The following SHLD2 variants were observed in gnomAD, a reference collection of about 807,000 sequenced individuals.
SHLD2 encodes shieldin complex subunit 2.
In SHLD2, 30 loss-of-function variants were observed where a neutral mutation model predicts 73.2. The observed-to-expected ratio is 0.41, with a 90% CI of 0.31 to 0.56. SHLD2 has a LOEUF of 0.56. Among genes scored for constraint, SHLD2 ranks in the 20% least tolerant of loss-of-function variants. The pLI, the probability that SHLD2 is intolerant of heterozygous loss-of-function variation, is 0.28. For missense variants in SHLD2, 745 were observed against 1,055.9 expected (o/e 0.71, Z 4.08); for synonymous variants, 285 against 370.1 (o/e 0.77, Z 2.64).
intron 6 of SHLD2, among the ~76,000 whole-genome samples, chr10:87,173,067 T>TTAGGAGAGACGAGGTTTCACCATGTTGGC (rs1564611515): frequency 4.0e-5 from 6 of 151,752 alleles, no homozygotes; most frequent in African/African-American, 1.5e-4. Flanking sequence ...AGACAGAGTT[T>TTAGGAGAGACGAGGTTTCACCATGTTGGC]CATTCTTGTC....
At chr10:87,133,097 G>C (rs1451424992) in intron 2 of SHLD2, among the ~76,000 whole-genome samples, 1 of 152,104 alleles carries the variant, frequency 6.6e-6, no homozygotes, top group Non-Finnish European at 1.5e-5. Flanking sequence ...TGATTCCAAA[G>C]TAGTCTTTCT....
intron 7 of SHLD2, among the ~76,000 whole-genome samples, chr10:87,178,299 AAACT>A (rs1381088344): frequency 1.3e-5 from 2 of 151,866 alleles, no homozygotes; most frequent in Non-Finnish European, 2.9e-5. Flanking sequence ...AAGGGTTTAA[AAACT>A]AACTGTTGGG....
intron 2 of SHLD2, among the ~76,000 whole-genome samples, chr10:87,114,870 A>G (rs1843147269): frequency 6.6e-6 from 1 of 152,202 alleles, no homozygotes; most frequent in Admixed American, 6.5e-5. Context: ...AGGTGAGGAA[A>G]AGTAAGTAGT....
intron 2 of SHLD2, among the ~76,000 whole-genome samples, chr10:87,129,081 T>TTTTTG (rs1198634714): frequency 6.6e-6 from 1 of 151,982 alleles, no homozygotes; most frequent in African/African-American, 2.4e-5. Flanking sequence ...AATTTTTGTT[T>TTTTTG]TTTTGTTTTG....
chr10:87,154,672 T>A (rs1440541444), intron 3 of SHLD2, among the ~76,000 whole-genome samples: 3 of 152,082 alleles, frequency 2.0e-5, no homozygotes, highest in Admixed American at 6.6e-5. Context: ...TGAGCCACCG[T>A]GCCTGGCCAG....
At chr10:87,163,155 G>A (rs543545525) in intron 4 of SHLD2, among the ~76,000 whole-genome samples, 24 of 151,988 alleles carry the variant, frequency 1.6e-4, no homozygotes, top group African/African-American at 5.8e-4. Context: ...AGATCTCTAT[G>A]AACTGATATG....
At chr10:87,187,558 G>A (rs966826554) in intron 9 of SHLD2, among the ~76,000 whole-genome samples, 3 of 152,176 alleles carry the variant, frequency 2.0e-5, no homozygotes, top group Non-Finnish European at 2.9e-5. Flanking sequence ...ATCTTCAACC[G>A]TGATGTCTTA....
intron 2 of SHLD2, among the ~76,000 whole-genome samples, chr10:87,143,052 C>T (rs888097281): frequency 6.6e-5 from 10 of 150,894 alleles, no homozygotes; most frequent in Non-Finnish European, 1.3e-4. Flanking sequence ...ACTTCAGCCT[C>T]CTGAGTAGCT....
chr10:87,153,896 T>G (rs537126541), intron 3 of SHLD2: 120 of 152,306 alleles, frequency 7.9e-4, no homozygotes, highest in African/African-American at 2.7e-3. Context: ...CATTTTGTTT[T>G]TTTAATTTTT....
intron 2 of SHLD2, among the ~76,000 whole-genome samples, chr10:87,100,765 A>G (rs1046893377): frequency 7.2e-5 from 11 of 152,236 alleles, no homozygotes; most frequent in Admixed American, 6.5e-5. Context: ...GGCATGAGCC[A>G]CTGTGCCAGG....
chr10:87,190,305 T>C (rs1848976740), intron 9 of SHLD2, among the ~76,000 whole-genome samples, 179 bp from the exon 10 acceptor site: 1 of 152,224 alleles, frequency 6.6e-6, no homozygotes, highest in Non-Finnish European at 1.5e-5. Context: ...GTAATCCGGC[T>C]GCCTCCGTCT....
intron 2 of SHLD2, among the ~76,000 whole-genome samples, chr10:87,126,798 C>A (rs1007959837): frequency 1.3e-5 from 2 of 152,144 alleles, no homozygotes; most frequent in Non-Finnish European, 2.9e-5. Context: ...GACATTCTTT[C>A]AGTTGGAAAT....
chr10:87,137,472 TAGC>T (rs1322724100), intron 2 of SHLD2, among the ~76,000 whole-genome samples: 4 of 151,900 alleles, frequency 2.6e-5, no homozygotes, highest in African/African-American at 9.7e-5. Flanking sequence ...TTTATGGACA[TAGC>T]AGAAGAAAGA....
intron 1 of SHLD2, among the ~76,000 whole-genome samples, chr10:87,096,167 T>TC (rs36054262): frequency 0.38 from 58,021 of 151,854 alleles, 11,732 homozygotes; most frequent in African/African-American, 0.51. Flanking sequence ...TGCCTCAGCC[T>TC]CGGGGTAGCT....
intron 2 of SHLD2, among the ~76,000 whole-genome samples, chr10:87,126,719 G>A (rs1044174011): frequency 1.1e-4 from 16 of 152,150 alleles, no homozygotes; most frequent in African/African-American, 3.4e-4. Flanking sequence ...TGTTACATCC[G>A]TGGAATAGCT....
chr10:87,140,068 A>G (rs1845075275), intron 2 of SHLD2, among the ~76,000 whole-genome samples: 1 of 152,198 alleles, frequency 6.6e-6, no homozygotes, highest in Non-Finnish European at 1.5e-5. Context: ...TGCCTAATAC[A>G]TGTATAATTG....
intron 2 of SHLD2, among the ~76,000 whole-genome samples, chr10:87,106,713 G>A (rs1327572328): frequency 6.6e-6 from 1 of 152,174 alleles, no homozygotes; most frequent in African/African-American, 2.4e-5. Flanking sequence ...ATGCTTAAAT[G>A]ATTTCAACAG....
intron 2 of SHLD2, among the ~76,000 whole-genome samples, chr10:87,137,202 A>G (rs1031802429): frequency 6.6e-5 from 10 of 152,204 alleles, no homozygotes; most frequent in African/African-American, 1.9e-4. Flanking sequence ...AGGGATTTAA[A>G]GATAATTATG....
chr10:87,126,252 A>C (rs556000533), intron 2 of SHLD2, among the ~76,000 whole-genome samples: 111 of 151,976 alleles, frequency 7.3e-4, no homozygotes, highest in African/African-American at 2.6e-3. Context: ...CTAATTTTTA[A>C]ATTTTTTTGT....
Sources: gnomAD v4.1 joint callset for allele counts (sites outside exome capture counted in the v4.1 genomes callset) on GRCh38, gnomAD v4.1.1 for gene constraint, MANE v1.5 for transcripts, NCBI Gene and HGNC (gene_info 2026-07-23, HGNC 2026-07-21) for gene names.